Variants in PARD3 observed in about 807,000 individuals in gnomAD.
PARD3 encodes partitioning defective 3 homolog.
A neutral mutation model predicts 155.4 loss-of-function variants in PARD3; 75 were observed. The observed-to-expected ratio is 0.48, with a 90% CI of 0.40 to 0.58. The LOEUF (loss-of-function observed/expected upper bound fraction) is 0.58. Among genes scored for constraint, PARD3 ranks in the 20% least tolerant of loss-of-function variants. The probability of loss-of-function intolerance (pLI) is 0.00; values close to 1 mark genes in which losing one functional copy is unlikely to be tolerated. For missense variants in PARD3, 1,642 were observed against 1,721.7 expected (o/e 0.95, Z 0.82); for synonymous variants, 576 against 610.5 (o/e 0.94, Z 0.83).
chr10:34,340,782 A>G (rs1428098075), intron 16 of PARD3, among the ~76,000 whole-genome samples: 2 of 152,198 alleles, frequency 1.3e-5, no homozygotes, highest in Non-Finnish European at 2.9e-5. Context: ...TAATGTTGAC[A>G]CAAGCCAGAA....
rs185382166 is a variant in PARD3 at position 34,532,657 on chromosome 10, T to C, written c.223-15498A>G. Among the ~76,000 whole-genome samples, 160 of 152,322 alleles carry C rather than the reference T, an allele frequency of 1.1e-3. 2 individuals are homozygous for C. The East Asian group carries it at 0.019, about 18-fold the overall frequency. The stretch of plus-strand genomic sequence containing the variant: ...CATAGATCCTTGTTCTATGAGAAAT[T>C]AGAAGAAAAAGTACATTTTCTAACA... On this transcript the variant is annotated intron_variant, in intron 2 of 24. Transcript: ENST00000374788.
intron 1 of PARD3, among the ~76,000 whole-genome samples, chr10:34,717,600 C>T (rs1027482990): frequency 1.3e-5 from 2 of 152,094 alleles, no homozygotes; most frequent in Non-Finnish European, 2.9e-5. Flanking sequence ...AGCAAAGTCA[C>T]GGTCCCACGC....
intron 2 of PARD3, among the ~76,000 whole-genome samples, chr10:34,638,234 A>G (rs896753326): frequency 6.6e-6 from 1 of 152,224 alleles, no homozygotes; most frequent in African/African-American, 2.4e-5. Context: ...TAAGTCATGA[A>G]GCCACCAATA....
chr10:34,430,805 A>G (rs1462967411), intron 5 of PARD3, among the ~76,000 whole-genome samples: 6 of 152,206 alleles, frequency 3.9e-5, no homozygotes, highest in Non-Finnish European at 8.8e-5. Context: ...GGAGGATCAC[A>G]GGGGTCAGGC....
At chr10:34,666,317 T>C (rs542758076) in intron 2 of PARD3, among the ~76,000 whole-genome samples, 4 of 152,196 alleles carry the variant, frequency 2.6e-5, no homozygotes, top group African/African-American at 7.2e-5. Context: ...TGCTGACTAA[T>C]TACATGGCTG....
At chr10:34,674,453 T>C (rs542775777) in intron 2 of PARD3, among the ~76,000 whole-genome samples, 2 of 151,754 alleles carry the variant, frequency 1.3e-5, no homozygotes, top group African/African-American at 4.8e-5. Flanking sequence ...TACAGCTGTT[T>C]TCTTCTACCA....
chr10:34,776,055 T>C (rs1392680009), intron 1 of PARD3, among the ~76,000 whole-genome samples: 1 of 152,184 alleles, frequency 6.6e-6, no homozygotes, highest in Non-Finnish European at 1.5e-5. Context: ...TAAGACCTTG[T>C]CTCTACTAAA....
At position 34,782,734 on chromosome 10, in the gene PARD3, C is replaced by CT. The variant is rs968167211; in HGVS notation, c.120+32141dup. ...AACATTAGGAAAGTTTTTTTTTTTTCTTTTTTTTTTGAGACTGAGTCTTGC... is the reference window on the plus strand; with the variant it reads ...AACATTAGGAAAGTTTTTTTTTTTTCTTTTTTTTTTTGAGACTGAGTCTTGC... On this transcript the variant is annotated intron_variant, in intron 1 of 24. Transcript: ENST00000374788. 3.5e-3 allele frequency among the ~76,000 whole-genome samples: 482 copies of CT among 139,460 alleles called. 1 individual carries two copies. Among genetic ancestry groups the CT allele is most frequent in the Non-Finnish European group, 4.6e-3 (297 of 64,146 alleles). 91.5% of individuals were successfully genotyped at this position (139,460 alleles called of 152,430 possible).
intron 1 of PARD3, among the ~76,000 whole-genome samples, chr10:34,807,684 GTGTGTGTA>G (rs1203222123): frequency 7.7e-6 from 1 of 129,116 alleles, no homozygotes; most frequent in Admixed American, 7.6e-5. Flanking sequence ...GTGCTTGTGT[GTGTGTGTA>G]TATATATAAA....
chr10:34,470,211 G>A lies in PARD3; in HGVS notation c.456C>T (p.Ser152=). ...AAAAATTACTATCACTGACAGAAGT[G>A]GAGAGGCCAATTAGAGCTGGGTCAC... The part of the protein sequence containing the change: ...RSSDPALIGL[S]TSVSDSNFSS... Residue 152 remains serine (S), a synonymous_variant, in exon 4 of 25, where the codon TCC becomes TCT. Coordinates refer to ENST00000374788, the MANE Select transcript of PARD3 (RefSeq NM_001184785.2). The A allele has an allele frequency of 6.2e-7, 1 of 1,612,928 alleles. No individual in the cohort carries two copies. Among genetic ancestry groups the A allele is most frequent in the Non-Finnish European group, 8.5e-7 (1 of 1,179,474 alleles).
intron 3 of PARD3, among the ~76,000 whole-genome samples, chr10:34,479,349 G>A (rs534954373): frequency 6.6e-6 from 1 of 151,932 alleles, no homozygotes; most frequent in African/African-American, 2.4e-5. Flanking sequence ...TTTTAGTAGA[G>A]ACAGGGTTTC....
At chr10:34,681,435 A>C (rs1447546891) in intron 2 of PARD3, among the ~76,000 whole-genome samples, 1 of 151,892 alleles carries the variant, frequency 6.6e-6, no homozygotes, top group Non-Finnish European at 1.5e-5. Context: ...GCCCATCTGG[A>C]GGCTGACCTG....
At chr10:34,418,829 G>T (rs1845918016) in intron 5 of PARD3, among the ~76,000 whole-genome samples, 1 of 152,084 alleles carries the variant, frequency 6.6e-6, no homozygotes, top group Admixed American at 6.5e-5. Context: ...GGAGTGCAGT[G>T]GCATAATCAC....
intron 1 of PARD3, among the ~76,000 whole-genome samples, chr10:34,786,681 C>T (rs1437495295): frequency 2.6e-5 from 4 of 152,220 alleles, no homozygotes; most frequent in African/African-American, 9.7e-5. Flanking sequence ...GAGATCCACA[C>T]ACTGATCCAA....
intron 3 of PARD3, among the ~76,000 whole-genome samples, chr10:34,512,843 T>C (rs2081481836): frequency 6.6e-6 from 1 of 152,146 alleles, no homozygotes; most frequent in Non-Finnish European, 1.5e-5. Context: ...ATGACAAAAT[T>C]AGAATATTAT....
intron 22 of PARD3, among the ~76,000 whole-genome samples, chr10:34,243,792 AG>A (rs1044484367): frequency 2.0e-5 from 3 of 152,192 alleles, no homozygotes; most frequent in Admixed American, 1.3e-4. Flanking sequence ...CCTGGGTGAC[AG>A]GGCGAGACTC....
In PARD3 at chr10:34,651,011, C is replaced by CAAAAAAAAA. The variant is rs60113552; in HGVS notation, c.222+45298_222+45306dup. Among the ~76,000 whole-genome samples, 13 of 44,546 alleles carry CAAAAAAAAA rather than the reference C, an allele frequency of 2.9e-4. 2 individuals are homozygous for CAAAAAAAAA. Among genetic ancestry groups the CAAAAAAAAA allele is most frequent in the East Asian group, 1.1e-3 (1 of 940 alleles). The allele number at this position is 44,546 out of a possible 152,430, so 29.2% of individuals were successfully genotyped here. ...GGGCAACAAGAACGAAACTCTGTCT[C>CAAAAAAAAA]AAAAAAAAAAAAAAAAAAAAAAAAA... On this transcript the variant is annotated intron_variant, in intron 2 of 24. Coordinates refer to ENST00000374788, the MANE Select transcript of PARD3 (RefSeq NM_001184785.2).
chr10:34,325,012 C>T (rs1009360601), intron 19 of PARD3, among the ~76,000 whole-genome samples: 1 of 152,040 alleles, frequency 6.6e-6, no homozygotes, highest in Non-Finnish European at 1.5e-5. Context: ...GGTTTGCTGT[C>T]TACATCTTTT....
intron 4 of PARD3, among the ~76,000 whole-genome samples, chr10:34,453,770 ACT>A (rs1304297426): frequency 6.6e-6 from 1 of 152,212 alleles, no homozygotes; most frequent in Non-Finnish European, 1.5e-5. Flanking sequence ...AAAACAGTAC[ACT>A]GTTTCTCCAT....
Sources: allele counts gnomAD v4.1 joint callset (sites outside exome capture counted in the v4.1 genomes callset), GRCh38; gene constraint gnomAD v4.1.1; transcripts MANE v1.5; gene names NCBI Gene and HGNC (gene_info 2026-07-23, HGNC 2026-07-21).